The following GRIN2A variants were observed in gnomAD, a reference collection of about 807,000 sequenced individuals.
GRIN2A encodes glutamate receptor ionotropic, NMDA 2A.
In GRIN2A, 22 loss-of-function variants were observed where a neutral mutation model predicts 113.4. The ratio of observed to expected loss-of-function variants is 0.19; its 90% CI spans 0.14 to 0.28. The LOEUF (loss-of-function observed/expected upper bound fraction) is 0.28, where lower values mean the gene tolerates loss of function less well. GRIN2A is among the 10% of genes least tolerant of loss of function. The probability of loss-of-function intolerance (pLI) is 1.00; values close to 1 mark genes in which losing one functional copy is unlikely to be tolerated. For missense variants in GRIN2A, 1,502 were observed against 1,887.0 expected (o/e 0.80, Z 3.78); for synonymous variants, 827 against 738.4 (o/e 1.12, Z -1.94).
rs13339551 is a variant in GRIN2A, at chr16:9,756,765, C to T, written c.*6384G>A. ...GGTGCAGATCCATGGCAAGTACTTG[C>T]GATAAGCAGAAAATGTAACATTCCA... On this transcript the variant is annotated 3_prime_UTR_variant, in exon 13 of 13. Coordinates refer to ENST00000330684, the MANE Select transcript of GRIN2A (RefSeq NM_001134407.3). 3.8e-5 allele frequency: 7 copies of T among 182,380 alleles called. No homozygotes were observed. Among genetic ancestry groups the T allele is most frequent in the South Asian group, 2.0e-4 (1 of 5,066 alleles). 11.3% of individuals were successfully genotyped at this position (182,380 alleles called of 1,614,324 possible).
intron 2 of GRIN2A, among the ~76,000 whole-genome samples, chr16:10,025,298 T>A (rs2046799452): frequency 8.8e-5 from 1 of 11,324 alleles, no homozygotes; most frequent in Non-Finnish European, 3.9e-4. Flanking sequence ...CAGGGTCTTT[T>A]TTTTTTTTTT....
chr16:9,869,877 G>T (rs997426185), intron 4 of GRIN2A, among the ~76,000 whole-genome samples: 1 of 152,166 alleles, frequency 6.6e-6, no homozygotes, highest in African/African-American at 2.4e-5. Flanking sequence ...TTTAGTCAAG[G>T]TTCCTTCCCA....
chr16:10,144,885 T>C (rs6416624), intron 2 of GRIN2A, among the ~76,000 whole-genome samples: 84,162 of 135,078 alleles, frequency 0.62, 25,998 homozygotes, highest in East Asian at 0.92. Flanking sequence ...CGTGCCACTG[T>C]ACTCCAGCCT....
intron 2 of GRIN2A, among the ~76,000 whole-genome samples, chr16:9,939,367 C>T (rs185566646): frequency 1.2e-3 from 180 of 152,202 alleles, no homozygotes; most frequent in Non-Finnish European, 1.4e-3. Flanking sequence ...GCGGACGATA[C>T]GATGTTGAAG....
chr16:9,933,384 C>T (rs551036442), intron 3 of GRIN2A, among the ~76,000 whole-genome samples: 4 of 152,088 alleles, frequency 2.6e-5, no homozygotes, highest in Non-Finnish European at 5.9e-5. Context: ...TGAGGACCAC[C>T]AAGTGGCATG....
intron 4 of GRIN2A, among the ~76,000 whole-genome samples, chr16:9,852,014 C>T (rs969650570): frequency 6.6e-6 from 1 of 152,192 alleles, no homozygotes; most frequent in African/African-American, 2.4e-5. Context: ...CATATCTCCA[C>T]CGTAGCATTT....
intron 3 of GRIN2A, among the ~76,000 whole-genome samples, chr16:9,900,956 A>G (rs1034031566): frequency 1.3e-5 from 2 of 152,154 alleles, no homozygotes; most frequent in African/African-American, 4.8e-5. Context: ...ATTATTCAAG[A>G]TCTCCAAGTG....
At chr16:9,836,873 C>T (rs2042591750) in intron 7 of GRIN2A, among the ~76,000 whole-genome samples, 1 of 152,070 alleles carries the variant, frequency 6.6e-6, no homozygotes, top group South Asian at 2.1e-4. Flanking sequence ...GAGGAGATAC[C>T]AGGTCAGCAT....
chr16:10,125,981 A>G (rs2048926606), intron 2 of GRIN2A, among the ~76,000 whole-genome samples: 1 of 152,126 alleles, frequency 6.6e-6, no homozygotes, highest in Non-Finnish European at 1.5e-5. Flanking sequence ...GGACACAGAC[A>G]GGAGGAGCCC....
intron 2 of GRIN2A, among the ~76,000 whole-genome samples, chr16:9,998,907 G>C (rs1275018569): frequency 2.6e-5 from 4 of 152,120 alleles, no homozygotes; most frequent in Admixed American, 6.6e-5. Context: ...TTCCTGGATG[G>C]CTTGCTGAGG....
intron 2 of GRIN2A, among the ~76,000 whole-genome samples, chr16:10,086,928 A>C (rs1334017793): frequency 2.0e-5 from 3 of 152,200 alleles, no homozygotes; most frequent in Non-Finnish European, 4.4e-5. Context: ...CTATGCAAAC[A>C]CAGGATCCAG....
Position 9,762,189 on chromosome 16 carries a change from G to T in GRIN2A, c.*960C>A, listed in dbSNP as rs1900614444. 3 of 220,388 alleles carry T rather than the reference G, an allele frequency of 1.4e-5. No individual in the cohort carries two copies. Among genetic ancestry groups the T allele is most frequent in the Non-Finnish European group, 2.7e-5 (3 of 109,552 alleles). 13.7% of individuals were successfully genotyped at this position (220,388 alleles called of 1,614,324 possible). Reference sequence around the variant, plus strand: ...ACACCACCATGGCTGTTTGGAAACGGAACGAGTTATGGTTACTCTGGGAGG... The same window carrying T: ...ACACCACCATGGCTGTTTGGAAACGTAACGAGTTATGGTTACTCTGGGAGG... On this transcript the variant is annotated 3_prime_UTR_variant, in exon 13 of 13. Transcript: ENST00000330684.
chr16:10,102,069 A>C (rs1341834670), intron 2 of GRIN2A, among the ~76,000 whole-genome samples: 1 of 152,244 alleles, frequency 6.6e-6, no homozygotes, highest in Non-Finnish European at 1.5e-5. Context: ...TCTAATCATC[A>C]CACGAACTCC....
intron 2 of GRIN2A, among the ~76,000 whole-genome samples, chr16:9,994,463 A>T (rs1029390256): frequency 6.6e-6 from 1 of 152,176 alleles, no homozygotes; most frequent in Non-Finnish European, 1.5e-5. Flanking sequence ...AATTAGGAGG[A>T]AAGCATTCTC....
intron 1 of GRIN2A, chr16:10,181,641 C>T (rs1167666351): frequency 1.3e-5 from 2 of 152,334 alleles, no homozygotes; most frequent in Non-Finnish European, 2.9e-5. Flanking sequence ...CCTCTCGGGA[C>T]GGACGCTGCT....
intron 11 of GRIN2A, among the ~76,000 whole-genome samples, chr16:9,792,950 G>T (rs961773575): frequency 2.6e-5 from 4 of 152,188 alleles, no homozygotes; most frequent in Non-Finnish European, 4.4e-5. Context: ...TTGTCCATTG[G>T]CTGGTAGCCT....
chr16:10,066,041 T>C (rs887219997), intron 2 of GRIN2A, among the ~76,000 whole-genome samples: 3 of 152,214 alleles, frequency 2.0e-5, no homozygotes, highest in African/African-American at 4.8e-5. Flanking sequence ...ATCATTTATC[T>C]GTCCTCCTGA....
chr16:9,967,506 G>A (rs1020650920), intron 2 of GRIN2A, among the ~76,000 whole-genome samples: 3 of 152,204 alleles, frequency 2.0e-5, no homozygotes, highest in African/African-American at 7.2e-5. Flanking sequence ...AGGAGTTTGA[G>A]ACCAGCCTGG....
At chr16:9,945,804 GC>G (rs1371905585) in intron 2 of GRIN2A, among the ~76,000 whole-genome samples, 1 of 152,098 alleles carries the variant, frequency 6.6e-6, no homozygotes, top group African/African-American at 2.4e-5. Flanking sequence ...CATAACACTT[GC>G]TAGGTTATGA....
Sources: gnomAD v4.1 joint callset for allele counts (sites outside exome capture counted in the v4.1 genomes callset) on GRCh38, gnomAD v4.1.1 for gene constraint, MANE v1.5 for transcripts, NCBI Gene and HGNC (gene_info 2026-07-23, HGNC 2026-07-21) for gene names.